The following RPP30 variants were observed in gnomAD, a reference collection of about 807,000 sequenced individuals.
RPP30 encodes ribonuclease P/MRP subunit p30, also known as ribonuclease P protein subunit p30.
A neutral mutation model predicts 38.6 loss-of-function variants in RPP30; 36 were observed. The observed-to-expected ratio is 0.93, with a 90% CI of 0.71 to 1.23. The LOEUF is 1.23. RPP30 is among the 50% of genes most tolerant of loss of function. The pLI, the probability that RPP30 is intolerant of heterozygous loss-of-function variation, is 0.00. For synonymous variants in RPP30, 126 were observed against 112.7 expected, an observed-to-expected ratio of 1.12 and a Z score of -0.75; for missense variants, 321 against 321.7, an observed-to-expected ratio of 1.00 and a Z score of 0.02.
At chr10:90,893,717 C>G (rs922913176) in intron 6 of RPP30, among the ~76,000 whole-genome samples, 1 of 152,196 alleles carries the variant, frequency 6.6e-6, no homozygotes, top group African/African-American at 2.4e-5. Flanking sequence ...TACTATTTAA[C>G]TGCTTAATTT....
chr10:90,906,586 C>T (rs1453403723), downstream of RPP30, among the ~76,000 whole-genome samples: 1 of 152,176 alleles, frequency 6.6e-6, no homozygotes, highest in Non-Finnish European at 1.5e-5. Flanking sequence ...AAAAATCCCT[C>T]TATCTGCAAC....
intron 6 of RPP30, among the ~76,000 whole-genome samples, chr10:90,887,920 T>C (rs1252919398): frequency 6.6e-6 from 1 of 152,226 alleles, no homozygotes; most frequent in Non-Finnish European, 1.5e-5. Flanking sequence ...TTAGGAAAGT[T>C]CTGATTGGTT....
intron 7 of RPP30, chr10:90,895,152 C>A: frequency 1.8e-6 from 1 of 553,050 alleles, no homozygotes; most frequent in African/African-American, 1.9e-5. Context: ...AAAGAAAAGT[C>A]TAGAATAACA....
At chr10:90,900,501 A>G in intron 10 of RPP30, 69 bp from the exon 11 acceptor site, 1 of 1,486,724 alleles carries the variant, frequency 6.7e-7, no homozygotes. Context: ...CCAAAGTAAT[A>G]TGTTAAACCA....
Position 90,874,943 on chromosome 10 carries a change from A to C in RPP30, c.138+19A>C. 7.2e-7 allele frequency: 1 copy of C among 1,398,148 alleles called. No homozygotes were observed. Among genetic ancestry groups the C allele is most frequent in the Admixed American group, 1.8e-5 (1 of 55,242 alleles). The allele number at this position is 1,398,148 out of a possible 1,614,324, so 86.6% of individuals were successfully genotyped here. A position where few individuals can be genotyped will look rare whatever the true frequency, so the allele number is the denominator to read the frequency against. On this transcript the variant is annotated intron_variant, in intron 2 of 10. Transcript: ENST00000371703. ...GAAACAGGTAAAATAATATTTCTAA[A>C]GTTAATAAGTTCATAAATAAGTATT...
intron 6 of RPP30, among the ~76,000 whole-genome samples, chr10:90,887,122 C>G (rs1327934087): frequency 6.6e-6 from 1 of 151,942 alleles, no homozygotes; most frequent in East Asian, 1.9e-4. Flanking sequence ...TGCATGCCAC[C>G]ACACCTGGCT....
intron 10 of RPP30, 115 bp downstream of exon 10, chr10:90,896,507 T>G: frequency 1.3e-6 from 1 of 751,754 alleles, no homozygotes; most frequent in Admixed American, 2.2e-5. Context: ...TCATCTTTTC[T>G]CAACCTGTTC....
intron 5 of RPP30, among the ~76,000 whole-genome samples, chr10:90,881,649 G>T (rs1564711564): frequency 6.6e-6 from 1 of 152,150 alleles, no homozygotes; most frequent in African/African-American, 2.4e-5. Flanking sequence ...TTTTCTATAG[G>T]AAATCAATTT....
intron 5 of RPP30, among the ~76,000 whole-genome samples, chr10:90,881,804 G>T (rs1846931092): frequency 6.6e-6 from 1 of 152,072 alleles, no homozygotes; most frequent in Non-Finnish European, 1.5e-5. Flanking sequence ...ATTCTAACAG[G>T]TATCTATCTC....
At chr10:90,907,242 T>C (rs1211367671), downstream of RPP30, among the ~76,000 whole-genome samples, 2 of 152,172 alleles carry the variant, frequency 1.3e-5, no homozygotes, top group Non-Finnish European at 2.9e-5. Flanking sequence ...AAGAGAAATG[T>C]CTGTGTTGTA....
At chr10:90,889,269 A>G (rs1847041956) in intron 6 of RPP30, among the ~76,000 whole-genome samples, 1 of 149,266 alleles carries the variant, frequency 6.7e-6, no homozygotes, top group African/African-American at 2.5e-5. Flanking sequence ...AGAAGTTCAT[A>G]GATTGGCTTT....
At chr10:90,902,294 T>G (rs1429156916), downstream of RPP30, 1 of 414,516 alleles carries the variant, frequency 2.4e-6, no homozygotes, top group South Asian at 2.1e-5. Flanking sequence ...CTCGGCTCAC[T>G]GCAACCTTTG....
chr10:90,877,718 C>T (rs1589494269), intron 4 of RPP30, among the ~76,000 whole-genome samples: 1 of 152,144 alleles, frequency 6.6e-6, no homozygotes, highest in East Asian at 1.9e-4. Context: ...TGGAAAAATG[C>T]AGACTGTGCT....
At position 90,875,538 on chromosome 10, in the gene RPP30, C is replaced by CT; in HGVS notation, c.139-19dup. The CT allele has an allele frequency of 6.2e-7, 1 of 1,606,190 alleles. No homozygotes were observed. The highest frequency in any genetic ancestry group is 8.5e-7 in the Non-Finnish European group (1 of 1,173,166). ...TATTAATGGATACAATCTGCAGTAA[C>CT]TATTTATCGTTTGTTGTAGGAAATT... is the stretch of plus-strand genomic sequence containing the variant. On this transcript the variant is annotated intron_variant, in intron 2 of 10. Transcript: ENST00000371703.
intron 6 of RPP30, among the ~76,000 whole-genome samples, chr10:90,886,295 G>A (rs1003454550): frequency 1.3e-5 from 2 of 152,070 alleles, no homozygotes; most frequent in Non-Finnish European, 2.9e-5. Flanking sequence ...GAGTCAAGAG[G>A]GAACAGGGCA....
intron 6 of RPP30, among the ~76,000 whole-genome samples, chr10:90,889,414 A>C (rs1046528376): frequency 1.3e-5 from 2 of 149,912 alleles, no homozygotes; most frequent in African/African-American, 2.5e-5. Flanking sequence ...AGTTCAAGCA[A>C]TTCTCCTGTC....
intron 5 of RPP30, among the ~76,000 whole-genome samples, chr10:90,880,726 A>G (rs199547475): frequency 6.6e-6 from 1 of 151,144 alleles, no homozygotes; most frequent in African/African-American, 2.4e-5. Flanking sequence ...TCTCAAAAAA[A>G]TTTTTTTTAA....
chr10:90,897,521 T>G (rs184654446), intron 10 of RPP30, among the ~76,000 whole-genome samples: 11 of 152,310 alleles, frequency 7.2e-5, no homozygotes, highest in Non-Finnish European at 1.3e-4. Context: ...GTGGTCAAAT[T>G]AATGGAGATT....
intron 6 of RPP30, among the ~76,000 whole-genome samples, chr10:90,889,287 T>C (rs1847042244): frequency 6.6e-6 from 1 of 150,702 alleles, no homozygotes; most frequent in African/African-American, 2.4e-5. Context: ...TTTAAAAGGA[T>C]CACTTTATAA....
Sources: gnomAD v4.1 joint callset for allele counts (sites outside exome capture counted in the v4.1 genomes callset) on GRCh38, gnomAD v4.1.1 for gene constraint, MANE v1.5 for transcripts, NCBI Gene and HGNC (gene_info 2026-07-23, HGNC 2026-07-21) for gene names.